Variants in NAV3 observed in about 807,000 individuals in gnomAD.
The protein encoded by NAV3 is pore membrane and/or filament interacting like protein 1.
A neutral mutation model predicts 244.7 loss-of-function variants in NAV3; 87 were observed. That is an observed-to-expected ratio of 0.36 (90% CI 0.30 to 0.42). The LOEUF is 0.42. NAV3 is among the 20% of genes least tolerant of loss of function. The pLI is 1.00. For synonymous variants in NAV3, 1,126 were observed against 1,042.2 expected, an observed-to-expected ratio of 1.08 and a Z score of -1.55; for missense variants, 2,663 against 2,893.3, an observed-to-expected ratio of 0.92 and a Z score of 1.83.
intron 11 of NAV3, among the ~76,000 whole-genome samples, chr12:78,054,133 A>G (rs1883151885): frequency 6.6e-6 from 1 of 152,248 alleles, no homozygotes; most frequent in African/African-American, 2.4e-5. Context: ...AAAGCAGTGA[A>G]TAAGAAAAAG....
intron 2 of NAV3, among the ~76,000 whole-genome samples, chr12:77,712,189 G>T (rs1232776721): frequency 1.3e-5 from 2 of 152,134 alleles, no homozygotes; most frequent in South Asian, 4.2e-4. Flanking sequence ...AGAGCGAAAG[G>T]GTTATATTTT....
chr12:77,768,257 G>T (rs1869884668), intron 2 of NAV3, among the ~76,000 whole-genome samples: 1 of 152,192 alleles, frequency 6.6e-6, no homozygotes, highest in South Asian at 2.1e-4. Flanking sequence ...GACTCCATCT[G>T]GAACTGAGTG....
At chr12:77,708,644 C>T (rs1221707815) in intron 2 of NAV3, among the ~76,000 whole-genome samples, 1 of 152,056 alleles carries the variant, frequency 6.6e-6, no homozygotes, top group Non-Finnish European at 1.5e-5. Context: ...TATAAATTAC[C>T]TTGGGCAGTA....
At chr12:77,694,345 C>T (rs1184114014) in intron 2 of NAV3, among the ~76,000 whole-genome samples, 1 of 151,620 alleles carries the variant, frequency 6.6e-6, no homozygotes, top group African/African-American at 2.4e-5. Flanking sequence ...TGGTGGCACA[C>T]ACCTGTAGTC....
At chr12:77,717,152 T>C (rs1876398738) in intron 2 of NAV3, among the ~76,000 whole-genome samples, 1 of 152,116 alleles carries the variant, frequency 6.6e-6, no homozygotes, top group African/African-American at 2.4e-5. Flanking sequence ...AAAATTACCC[T>C]GTTGACAAAT....
chr12:77,957,478 T>C (rs949845264), intron 3 of NAV3, among the ~76,000 whole-genome samples: 6 of 152,206 alleles, frequency 3.9e-5, no homozygotes, highest in African/African-American at 1.4e-4. Context: ...AAGATATTAC[T>C]TTGTTGATAT....
chr12:78,158,907 T>G (rs953711216), intron 22 of NAV3, among the ~76,000 whole-genome samples: 13 of 152,184 alleles, frequency 8.5e-5, no homozygotes, highest in Non-Finnish European at 1.5e-5. Context: ...GTGTCAAATC[T>G]CTACATGATG....
chr12:78,128,635 T>C (rs2138843898), intron 17 of NAV3, 71 bp from the exon 18 acceptor site: 2 of 1,470,412 alleles, frequency 1.4e-6, no homozygotes, highest in Non-Finnish European at 1.8e-6. Context: ...CTCCTCTGAA[T>C]TGTTTTCCTG....
At chr12:77,600,006 G>A (rs570237131) in intron 2 of NAV3, among the ~76,000 whole-genome samples, 1 of 152,054 alleles carries the variant, frequency 6.6e-6, no homozygotes, top group African/African-American at 2.4e-5. Context: ...AATTATTAAT[G>A]AAGCCTGTCA....
Position 78,046,149 on chromosome 12 carries a change from GTCTA to G in NAV3, c.2024-3838_2024-3835del, listed in dbSNP as rs1258056312. 9.2e-5 allele frequency among the ~76,000 whole-genome samples: 14 copies of G among 152,270 alleles called. No individual in the cohort carries two copies. The South Asian group carries it at 1.9e-3, about 20-fold the overall frequency. On this transcript the variant is annotated intron_variant, in intron 9 of 39. Coordinates refer to ENST00000397909, the MANE Select transcript of NAV3 (RefSeq NM_001024383.2). ...TTCTTCTTTATTAGTCTGGCTAGCA[GTCTA>G]TCTATTTTGTTAATCTTTTCAAAAA...
rs1322606087 is a variant in NAV3 at position 78,007,404 on chromosome 12, T to G, written c.1866T>G (p.His622Gln). 1.9e-6 allele frequency: 3 copies of G among 1,613,976 alleles called. No homozygotes were observed. The African/African-American group carries it at 4.0e-5, about 22-fold the overall frequency. Residue 622 changes from histidine (H) to glutamine (Q), a missense_variant, in exon 8 of 40, where the codon CAT (histidine) becomes CAG (glutamine). This residue lies in a region of NAV3 where 1,521 missense variants were observed against 1,497.0 expected (regional missense o/e 1.02). Transcript: ENST00000397909. ...TCCAACTCCCTCAACAGCAGCAACA[T>G]AGCCACCCGAATACCGCGACAGTGG... ...GAVQLPQQQQHSHPNTATVAP... is the reference protein window; with the variant it reads ...GAVQLPQQQQQSHPNTATVAP...
At chr12:77,923,518 A>C (rs1887909116) in intron 1 of NAV3, among the ~76,000 whole-genome samples, 1 of 152,148 alleles carries the variant, frequency 6.6e-6, no homozygotes, top group Non-Finnish European at 1.5e-5. Context: ...AGCCCACCTA[A>C]ATCTGTATCA....
In NAV3 at chr12:77,783,884, G is replaced by A. The variant is rs138416351; in HGVS notation, c.73-156435G>A. Among the ~76,000 whole-genome samples, 460 of 152,170 alleles carry A rather than the reference G, an allele frequency of 3.0e-3. 5 individuals are homozygous for A. Among genetic ancestry groups the A allele is most frequent in the Middle Eastern group, 0.014 (4 of 294 alleles). ...AAATCATGCAGGGCTTAATTTCTAG[G>A]ATAAAAGTTGGTGACTTTTTCATGG... On this transcript the variant is annotated intron_variant, in intron 2 of 8. Coordinates refer to the NAV3 transcript ENST00000550042.
rs556246203 is a variant in NAV3, at chr12:78,117,995, A to G, written c.2770-32A>G. On this transcript the variant is annotated intron_variant, in intron 13 of 39. Transcript: ENST00000397909. ...ATTCATACTTTATAAATTTTTCTAC[A>G]TAAAGTTTTTCTGTAATATTTGTCT... The G allele has an allele frequency of 1.4e-5, 21 of 1,521,938 alleles. No individual in the cohort carries two copies. In the Admixed American group the frequency reaches 2.3e-4, roughly 17 times the overall value. The allele number at this position is 1,521,938 out of a possible 1,614,324, so 94.3% of individuals were successfully genotyped here. A position where few individuals can be genotyped will look rare whatever the true frequency, so the allele number is the denominator to read the frequency against.
chr12:77,693,262 G>C (rs1166364147), intron 2 of NAV3, among the ~76,000 whole-genome samples: 1 of 152,020 alleles, frequency 6.6e-6, no homozygotes, highest in East Asian at 1.9e-4. Flanking sequence ...TTTTACAAAA[G>C]AAATAATAGT....
At chr12:77,590,383 G>A (rs989029637) in intron 2 of NAV3, among the ~76,000 whole-genome samples, 2 of 152,140 alleles carry the variant, frequency 1.3e-5, no homozygotes, top group African/African-American at 4.8e-5. Context: ...CAAAGTTGGA[G>A]GCCATTACCC....
intron 1 of NAV3, among the ~76,000 whole-genome samples, chr12:77,909,429 T>C (rs73342794): frequency 0.02 from 3,019 of 150,220 alleles, 36 homozygotes; most frequent in African/African-American, 0.035. Flanking sequence ...CAACTTAAAA[T>C]CTTTAATTCC....
chr12:77,945,556 C>T (rs12828734), intron 3 of NAV3, among the ~76,000 whole-genome samples: 11,621 of 152,116 alleles, frequency 0.076, 580 homozygotes, highest in Non-Finnish European at 0.11. Flanking sequence ...TCTGCTTTTA[C>T]AACTTACATA....
chr12:78,211,150 T>C lies in NAV3; in HGVS notation c.*633T>C, dbSNP rs1960852527. The C allele has an allele frequency of 6.5e-6, 1 of 152,704 alleles. No individual in the cohort carries two copies. The highest frequency in any genetic ancestry group is 2.1e-4 in the South Asian group (1 of 4,834). The allele number at this position is 152,704 out of a possible 1,614,324, so 9.5% of individuals were successfully genotyped here. On this transcript the variant is annotated 3_prime_UTR_variant, in exon 40 of 40. Coordinates refer to ENST00000397909, the MANE Select transcript of NAV3 (RefSeq NM_001024383.2). ...TCTCATGATGTGCTCCACCAACTTT[T>C]TAGTATATGAGTCACTGGTTTTATA...
Sources: allele counts gnomAD v4.1 joint callset (sites outside exome capture counted in the v4.1 genomes callset), GRCh38; gene constraint gnomAD v4.1.1; regional missense constraint gnomAD v4.1.1; transcripts MANE v1.5; gene names NCBI Gene and HGNC (gene_info 2026-07-23, HGNC 2026-07-21).